MATN2: variants seen among roughly 807,000 people sequenced by gnomAD.
MATN2 encodes matrilin 2, also known as matrilin-2.
MATN2 carries 69 observed loss-of-function variants against 103.2 expected under a neutral mutation model. The ratio of observed to expected loss-of-function variants is 0.67; its 90% CI spans 0.55 to 0.82. MATN2 has a LOEUF of 0.82. Among genes scored for constraint, MATN2 ranks in the 40% least tolerant of loss-of-function variants. The pLI, the probability that MATN2 is intolerant of heterozygous loss-of-function variation, is 0.00. For synonymous variants in MATN2, 429 were observed against 450.2 expected (o/e 0.95, Z 0.60); for missense variants, 1,023 against 1,211.5 (o/e 0.84, Z 2.31).
intron 5 of MATN2, among the ~76,000 whole-genome samples, chr8:97,978,212 TACACATATTTGTGTAATGA>T (rs1294410315): frequency 1.3e-5 from 2 of 152,222 alleles, no homozygotes; most frequent in African/African-American, 4.8e-5. Context: ...TTTTGTTCAT[TACACATATTTGTGTAATGA>T]ACACATATTT....
chr8:97,934,984 A>G (rs947976075), intron 3 of MATN2, among the ~76,000 whole-genome samples: 3 of 152,246 alleles, frequency 2.0e-5, no homozygotes, highest in Admixed American at 6.5e-5. Flanking sequence ...TCCTTTCACA[A>G]ACTGTACCCC....
At chr8:97,975,763 T>C (rs1266032116) in intron 5 of MATN2, among the ~76,000 whole-genome samples, 4 of 152,182 alleles carry the variant, frequency 2.6e-5, no homozygotes, top group African/African-American at 9.7e-5. Flanking sequence ...CTGGGGATTG[T>C]TGACTGCTAA....
intron 4 of MATN2, among the ~76,000 whole-genome samples, chr8:97,954,999 A>G (rs1811098067): frequency 6.6e-6 from 1 of 152,188 alleles, no homozygotes; most frequent in Non-Finnish European, 1.5e-5. Flanking sequence ...GGGGAAAAGG[A>G]GGTCAGGAAG....
intron 1 of MATN2, among the ~76,000 whole-genome samples, chr8:97,875,031 A>C (rs1818023118): frequency 6.6e-6 from 1 of 152,026 alleles, no homozygotes; most frequent in Non-Finnish European, 1.5e-5. Flanking sequence ...TCTACTTTTG[A>C]GGACGCTCGT....
intron 2 of MATN2, among the ~76,000 whole-genome samples, chr8:97,892,352 G>A (rs531087876): frequency 6.8e-6 from 1 of 146,348 alleles, no homozygotes; most frequent in Non-Finnish European, 1.5e-5. Flanking sequence ...GGTCGAGGCT[G>A]CATGAGTGAG....
chr8:97,900,208 C>T (rs1265964851), intron 2 of MATN2, among the ~76,000 whole-genome samples: 1 of 152,120 alleles, frequency 6.6e-6, no homozygotes, highest in East Asian at 1.9e-4. Context: ...CTCAGAAGAC[C>T]ATGGGGCTAG....
intron 4 of MATN2, 146 bp downstream of exon 4, chr8:97,942,045 T>C: frequency 1.0e-6 from 1 of 995,802 alleles, no homozygotes. Context: ...TTTGGTATTT[T>C]CTGTTGACCC....
At chr8:97,919,688 A>G (rs1002261042) in intron 2 of MATN2, among the ~76,000 whole-genome samples, 5 of 149,826 alleles carry the variant, frequency 3.3e-5, no homozygotes, top group African/African-American at 1.2e-4. Context: ...CCCCACCCAC[A>G]AGCTTTACCT....
intron 4 of MATN2, chr8:97,950,967 A>G (rs1810929956): frequency 6.6e-6 from 1 of 152,412 alleles, no homozygotes; most frequent in South Asian, 2.1e-4. Context: ...GCGAGTGTGG[A>G]AAGTGAAGGT....
intron 1 of MATN2, among the ~76,000 whole-genome samples, chr8:97,873,746 C>A (rs1207089049): frequency 6.6e-6 from 1 of 152,104 alleles, no homozygotes; most frequent in Non-Finnish European, 1.5e-5. Flanking sequence ...TGGGCTTTCT[C>A]CCTCCCCTTG....
chr8:97,994,694 C>T, intron 7 of MATN2, 92 bp downstream of exon 7: 1 of 1,382,674 alleles, frequency 7.2e-7, no homozygotes, highest in Non-Finnish European at 9.8e-7. Context: ...GCAAGATGTG[C>T]TTGTATTCAG....
chr8:98,029,057 G>C (rs11996804), intron 14 of MATN2, among the ~76,000 whole-genome samples: 1 of 152,364 alleles, frequency 6.6e-6, no homozygotes, highest in African/African-American at 2.4e-5. Flanking sequence ...AGTGAATGAA[G>C]AAAGAAGTGA....
chr8:98,022,202 G>C (rs896067328), intron 13 of MATN2, among the ~76,000 whole-genome samples: 1 of 152,130 alleles, frequency 6.6e-6, no homozygotes, highest in African/African-American at 2.4e-5. Context: ...GTATCCCCAA[G>C]ATATTTTAAG....
intron 3 of MATN2, among the ~76,000 whole-genome samples, chr8:97,933,420 A>T (rs1810263873): frequency 6.6e-6 from 1 of 152,140 alleles, no homozygotes; most frequent in South Asian, 2.1e-4. Context: ...GTGTTGGAAA[A>T]TTTTAATGGA....
intron 2 of MATN2, among the ~76,000 whole-genome samples, chr8:97,905,088 C>G (rs1819120501): frequency 6.6e-6 from 1 of 152,186 alleles, no homozygotes; most frequent in Non-Finnish European, 1.5e-5. Context: ...AGTTAGTAGA[C>G]CCGCCTCTTG....
chr8:97,937,170 G>C (rs1810399819), intron 3 of MATN2, among the ~76,000 whole-genome samples: 1 of 152,100 alleles, frequency 6.6e-6, no homozygotes, highest in African/African-American at 2.4e-5. Context: ...GTCAAACCCT[G>C]TACCAACCAA....
At chr8:97,960,660 G>A (rs1811281660) in intron 4 of MATN2, among the ~76,000 whole-genome samples, 1 of 152,004 alleles carries the variant, frequency 6.6e-6, no homozygotes, top group African/African-American at 2.4e-5. Context: ...CATTTTCCTC[G>A]TTTGTTATTA....
intron 1 of MATN2, among the ~76,000 whole-genome samples, chr8:97,884,630 G>A (rs1818366894): frequency 6.6e-6 from 1 of 152,044 alleles, no homozygotes. Context: ...AATTAGCTGG[G>A]CATGGTGTGG....
At chr8:97,949,397 C>T (rs954695009) in intron 4 of MATN2, among the ~76,000 whole-genome samples, 12 of 152,048 alleles carry the variant, frequency 7.9e-5, no homozygotes, top group African/African-American at 1.9e-4. Flanking sequence ...TGGTCTTGAA[C>T]TTCTGAACTC....
Sources: allele counts gnomAD v4.1 joint callset (sites outside exome capture counted in the v4.1 genomes callset), GRCh38; gene constraint gnomAD v4.1.1; transcripts MANE v1.5; gene names NCBI Gene and HGNC (gene_info 2026-07-23, HGNC 2026-07-21).